The following NBPF15 variants were observed in gnomAD, a reference collection of about 807,000 sequenced individuals.
NBPF15 encodes NBPF member 15.
NBPF15 carries 74 observed loss-of-function variants against 62.2 expected under a neutral mutation model. The ratio of observed to expected loss-of-function variants is 1.19; its 90% confidence interval spans 0.99 to 1.44. NBPF15 has a LOEUF of 1.44. NBPF15 is among the 40% of genes most tolerant of loss of function. The pLI is 0.00. For synonymous variants in NBPF15, 244 were observed against 209.7 expected (o/e 1.16, Z -1.41); for missense variants, 790 against 550.0 (o/e 1.44, Z -4.36).
Position 144,422,620 on chromosome 1 carries a change from T to C in NBPF15, c.*393A>G. 1 of 318,770 alleles carries C rather than the reference T, an allele frequency of 3.1e-6. No homozygotes were observed. The allele number at this position is 318,770 out of a possible 1,614,324, so 19.7% of individuals were successfully genotyped here. ...GAAGACACAAAGAATGAGGTTAGGT[T>C]CATTGAAACCAGGGTAACACCTTTG... On this transcript the variant is annotated 3_prime_UTR_variant, in exon 22 of 22. Transcript: ENST00000581897.
At chr1:144,445,976 C>G (rs1231448544) in intron 6 of NBPF15, among the ~76,000 whole-genome samples, 3 of 147,574 alleles carry the variant, frequency 2.0e-5, no homozygotes, top group Admixed American at 2.0e-4. Flanking sequence ...CCTGCCTCAG[C>G]CTCCCAAGTA....
At chr1:144,425,089 C>G (rs879996797) in intron 19 of NBPF15, among the ~76,000 whole-genome samples, 1 of 147,376 alleles carries the variant, frequency 6.8e-6, no homozygotes, top group African/African-American at 2.6e-5. Flanking sequence ...CACACACACA[C>G]ACACACACAC....
intron 17 of NBPF15, 110 bp from the exon 18 acceptor site, chr1:144,426,560 G>A: frequency 6.9e-6 from 5 of 729,264 alleles, no homozygotes; most frequent in South Asian, 1.5e-5. Flanking sequence ...AAAAAGGACG[G>A]ATCCATTAAT....
chr1:144,426,746 A>C (rs1351949151), intron 17 of NBPF15, among the ~76,000 whole-genome samples: 1 of 151,888 alleles, frequency 6.6e-6, no homozygotes, highest in African/African-American at 2.4e-5. Flanking sequence ...CGCTCGGGAC[A>C]CACAACGAAC....
intron 12 of NBPF15, among the ~76,000 whole-genome samples, chr1:144,434,583 T>A (rs1439734142): frequency 7.0e-6 from 1 of 143,330 alleles, no homozygotes; most frequent in East Asian, 2.1e-4. Flanking sequence ...AGAACCAGGG[T>A]CCAGCCTTGC....
Position 144,459,896 on chromosome 1 carries a change from T to G in NBPF15, c.-818-413A>C, listed in dbSNP as rs1214288415. Among the ~76,000 whole-genome samples the G allele has an allele frequency of 8.6e-5, 13 of 151,962 alleles. No individual in the cohort carries two copies. The South Asian group carries it at 2.7e-3, about 32-fold the overall frequency. On this transcript the variant is annotated intron_variant, in intron 2 of 21. Coordinates refer to ENST00000581897, the MANE Select transcript of NBPF15 (RefSeq NM_001385408.1). ...CACTTTGGGAAAACGTTCAACAATA[T>G]GTAATACTAAGTTTTATCATTCATA...
At chr1:144,443,008 C>T in intron 6 of NBPF15, 1 of 195,388 alleles carries the variant, frequency 5.1e-6, no homozygotes, top group Non-Finnish European at 1.2e-5. Flanking sequence ...CCAGTACTGA[C>T]CTCCTTTGTT....
chr1:144,436,449 A>G (rs1298149245), intron 10 of NBPF15, among the ~76,000 whole-genome samples: 2 of 151,838 alleles, frequency 1.3e-5, no homozygotes, highest in African/African-American at 4.8e-5. Context: ...CCACATTTGA[A>G]TGCTTCAGAC....
chr1:144,440,254 A>G lies in NBPF15; in HGVS notation c.-149T>C. On this transcript the variant is annotated 5_prime_UTR_variant, in exon 7 of 22. Coordinates refer to ENST00000581897, the MANE Select transcript of NBPF15 (RefSeq NM_001385408.1). ...AGCACTGTCAGTAGCGCAGACTCTG[A>G]TAAGAGTGAGGTAGATTGTGGCCAG... The G allele has an allele frequency of 3.3e-6, 5 of 1,513,798 alleles. No homozygotes were observed. Among genetic ancestry groups the G allele is most frequent in the Admixed American group, 2.0e-5 (1 of 50,446 alleles). The allele number at this position is 1,513,798 out of a possible 1,614,324, so 93.8% of individuals were successfully genotyped here. A position where few individuals can be genotyped will look rare whatever the true frequency, so the allele number is the denominator to read the frequency against.
At chr1:144,452,956 ACTC>A (rs1692111016) in intron 4 of NBPF15, among the ~76,000 whole-genome samples, 1 of 150,334 alleles carries the variant, frequency 6.7e-6, no homozygotes, top group Non-Finnish European at 1.5e-5. Flanking sequence ...AACATTAAAA[ACTC>A]CTTGAAGACC....
intron 21 of NBPF15, 44 bp from the exon 22 acceptor site, chr1:144,423,300 G>C (rs587733582): frequency 1.2e-6 from 2 of 1,611,116 alleles, no homozygotes; most frequent in African/African-American, 1.3e-5. Flanking sequence ...GGGAAAATCA[G>C]ACACCACAGA....
In NBPF15 at chr1:144,427,919, G is replaced by T. The variant is rs782615586; in HGVS notation, c.1112C>A (p.Thr371Asn). The T allele has an allele frequency of 1.8e-5, 13 of 728,738 alleles. No homozygotes were observed. The highest frequency in any genetic ancestry group is 3.0e-5 in the Non-Finnish European group (12 of 396,192). The allele number at this position is 728,738 out of a possible 1,614,324, so 45.1% of individuals were successfully genotyped here. A position where few individuals can be genotyped will look rare whatever the true frequency, so the allele number is the denominator to read the frequency against. ...LQDSLDRCYS[T>N]PSGCLELTDS... Reference sequence around the variant, plus strand: ...AGTCAGTTCAAGACAACCTGAAGGAGTTGAATAACATCTATCCAGTGAGTC... The same window carrying T: ...AGTCAGTTCAAGACAACCTGAAGGATTTGAATAACATCTATCCAGTGAGTC... Residue 371 changes from threonine to asparagine, a missense_variant, in exon 16 of 22, where the codon ACT becomes AAT. Physicochemically the swap from Thr to Asn is moderately conservative, Grantham distance 65. Coordinates refer to ENST00000581897, the MANE Select transcript of NBPF15 (RefSeq NM_001385408.1).
At chr1:144,424,615 C>A (rs1431778756) in intron 20 of NBPF15, 75 bp downstream of exon 20, 1 of 660,062 alleles carries the variant, frequency 1.5e-6, no homozygotes. Flanking sequence ...TCAGTAATGG[C>A]CAATTGGAGC....
chr1:144,451,489 C>T (rs12083892), intron 4 of NBPF15, among the ~76,000 whole-genome samples: 26 of 151,768 alleles, frequency 1.7e-4, no homozygotes, highest in South Asian at 4.2e-4. Context: ...TCCCTTCCCA[C>T]GAGGCTGTAT....
intron 3 of NBPF15, among the ~76,000 whole-genome samples, chr1:144,457,248 C>T (rs11486117): frequency 0.025 from 3,802 of 152,074 alleles, 168 homozygotes; most frequent in African/African-American, 0.082. Flanking sequence ...AACAAGAATT[C>T]GATTCTTTCT....
intron 21 of NBPF15, 116 bp from the exon 22 acceptor site, chr1:144,423,372 T>C (rs1261480020): frequency 3.0e-5 from 48 of 1,587,920 alleles, no homozygotes; most frequent in Admixed American, 1.3e-4. Context: ...GATAGATTCA[T>C]TAATGAGGTA....
chr1:144,456,221 G>A (rs1553546932), intron 4 of NBPF15, among the ~76,000 whole-genome samples: 2 of 148,872 alleles, frequency 1.3e-5, no homozygotes, highest in Admixed American at 6.7e-5. Flanking sequence ...ACGGAAATGG[G>A]GGCAGAGAAT....
At chr1:144,433,333 C>T (rs1388153819) in intron 13 of NBPF15, among the ~76,000 whole-genome samples, 5 of 151,936 alleles carry the variant, frequency 3.3e-5, no homozygotes, top group East Asian at 1.9e-4. Context: ...GCACTAAATG[C>T]CCACAAGAGA....
Position 144,422,609 on chromosome 1 carries a change from T to A in NBPF15, c.*404A>T. ...AAGCCAACACTGAAGACACAAAGAA[T>A]GAGGTTAGGTTCATTGAAACCAGGG... On this transcript the variant is annotated 3_prime_UTR_variant, in exon 22 of 22. Transcript: ENST00000581897. 3 of 276,092 alleles carry A rather than the reference T, an allele frequency of 1.1e-5. No individual in the cohort carries two copies. The highest frequency in any genetic ancestry group is 1.2e-3 in the Middle Eastern group (1 of 868). 17.1% of individuals were successfully genotyped at this position (276,092 alleles called of 1,614,324 possible). A position where few individuals can be genotyped will look rare whatever the true frequency, so the allele number is the denominator to read the frequency against.
Sources: allele counts gnomAD v4.1 joint callset (sites outside exome capture counted in the v4.1 genomes callset), GRCh38; gene constraint gnomAD v4.1.1; transcripts MANE v1.5; gene names NCBI Gene and HGNC (gene_info 2026-07-23, HGNC 2026-07-21).